COL11A1: variants seen among roughly 807,000 people sequenced by gnomAD.
The protein encoded by COL11A1 is collagen alpha-1(XI) chain.
COL11A1 carries 74 observed loss-of-function variants against 265.2 expected under a neutral mutation model. That is an observed-to-expected ratio of 0.28 (90% confidence interval 0.23 to 0.34). COL11A1 has a LOEUF of 0.34. COL11A1 is among the 10% of genes least tolerant of loss of function. The probability of loss-of-function intolerance (pLI) is 1.00; values close to 1 mark genes in which losing one functional copy is unlikely to be tolerated. For synonymous variants in COL11A1, 816 were observed against 727.6 expected (o/e 1.12, Z -1.96); for missense variants, 2,165 against 2,263.6 (o/e 0.96, Z 0.88).
intron 44 of COL11A1, among the ~76,000 whole-genome samples, chr1:102,935,343 T>C (rs558865240): frequency 6.6e-6 from 1 of 152,366 alleles, no homozygotes; most frequent in Non-Finnish European, 1.5e-5. Flanking sequence ...TTGAAAACAC[T>C]CTCATTTGTA....
At chr1:103,052,996 AT>A in intron 4 of COL11A1, among the ~76,000 whole-genome samples, 1 of 152,364 alleles carries the variant, frequency 6.6e-6, no homozygotes, top group South Asian at 2.1e-4. Context: ...CTGCAGGCTA[AT>A]AATAGACCTT....
rs746135436 is a variant in COL11A1 at position 102,970,249 on chromosome 1, C to A, written c.2832G>T (p.Leu944=). The A allele has an allele frequency of 2.5e-6, 4 of 1,612,004 alleles. No individual in the cohort carries two copies. The South Asian group carries it at 4.4e-5, about 18-fold the overall frequency. Residue 944 remains leucine (L), a synonymous_variant, in exon 37 of 67, where the codon CTG becomes CTT. Transcript: ENST00000370096. ...GPPGPPGKDG[L]PGHPGQRGET... ...CCCCACGTTGCCCAGGGTGTCCTGG[C>A]AGCCCATCCTTCCCAGGTGGTCCCT...
At chr1:102,922,624 C>A (rs113176401) in intron 47 of COL11A1, among the ~76,000 whole-genome samples, 3,133 of 152,274 alleles carry the variant, frequency 0.021, 107 homozygotes, top group African/African-American at 0.071. Flanking sequence ...TGGTCTCGAT[C>A]TCCTGACATC....
At chr1:102,962,359 A>C (rs1476613539) in intron 39 of COL11A1, 94 bp from the exon 40 acceptor site, 17 of 978,358 alleles carry the variant, frequency 1.7e-5, no homozygotes, top group Non-Finnish European at 2.8e-5. Context: ...CTGTAAGTAA[A>C]ATGTGAATAT....
Position 103,017,952 on chromosome 1 carries a change from T to C in COL11A1, c.1351-70A>G, listed in dbSNP as rs533751031. ...TAATATTTAGATGAATTCACTCTAG[T>C]CCTATCGAAGAGTTCGTTTATATTT... On this transcript the variant is annotated intron_variant, in intron 10 of 66. Coordinates refer to ENST00000370096, the MANE Select transcript of COL11A1 (RefSeq NM_001854.4). The C allele has an allele frequency of 6.5e-6, 8 of 1,238,910 alleles. 1 individual carries two copies. In the South Asian group the frequency reaches 9.6e-5, roughly 15 times the overall value. 76.7% of individuals were successfully genotyped at this position (1,238,910 alleles called of 1,614,324 possible).
intron 53 of COL11A1, 62 bp downstream of exon 53, chr1:102,913,575 A>G (rs1171116527): frequency 5.6e-6 from 8 of 1,417,658 alleles, no homozygotes; most frequent in South Asian, 1.1e-5. Flanking sequence ...ACTTCTAATT[A>G]TCTCATTAAA....
At chr1:102,974,109 T>G (rs1469443635) in intron 36 of COL11A1, among the ~76,000 whole-genome samples, 1 of 152,136 alleles carries the variant, frequency 6.6e-6, no homozygotes, top group Non-Finnish European at 1.5e-5. Flanking sequence ...AGGGACTACA[T>G]TTGAGAACCA....
At chr1:103,005,449 A>G (rs1207826261) in intron 18 of COL11A1, among the ~76,000 whole-genome samples, 1 of 152,172 alleles carries the variant, frequency 6.6e-6, no homozygotes, top group Non-Finnish European at 1.5e-5. Context: ...TTAATGACAA[A>G]CCACCTACAG....
intron 42 of COL11A1, among the ~76,000 whole-genome samples, chr1:102,942,763 G>A (rs1007129553): frequency 6.6e-6 from 1 of 151,594 alleles, no homozygotes; most frequent in African/African-American, 2.4e-5. Context: ...CTTTTTTATG[G>A]CACTCTGATT....
At chr1:102,974,137 G>A (rs1233210552) in intron 36 of COL11A1, among the ~76,000 whole-genome samples, 3 of 151,940 alleles carry the variant, frequency 2.0e-5, no homozygotes, top group East Asian at 3.9e-4. Context: ...AGACAGGTGG[G>A]TAAGCTGACT....
intron 35 of COL11A1, among the ~76,000 whole-genome samples, chr1:102,978,394 G>C (rs1239547788): frequency 2.0e-5 from 3 of 152,102 alleles, no homozygotes; most frequent in South Asian, 4.1e-4. Flanking sequence ...AAGCTGATTG[G>C]AGAAGAGGGC....
intron 38 of COL11A1, among the ~76,000 whole-genome samples, chr1:102,963,909 G>C (rs961782741): frequency 6.6e-6 from 1 of 151,858 alleles, no homozygotes; most frequent in Non-Finnish European, 1.5e-5. Context: ...AGAAAAGGGT[G>C]CATATTCAGT....
intron 4 of COL11A1, 149 bp from the exon 5 acceptor site, chr1:103,031,393 T>A: frequency 1.0e-6 from 1 of 1,003,066 alleles, no homozygotes. Context: ...AAGAGTCTTA[T>A]AGGATTGAAA....
chr1:102,944,769 A>G (rs1659081795), intron 42 of COL11A1, among the ~76,000 whole-genome samples: 1 of 152,126 alleles, frequency 6.6e-6, no homozygotes, highest in South Asian at 2.1e-4. Flanking sequence ...TGACTTATCT[A>G]ATTAGTATAT....
chr1:102,962,589 G>T, intron 39 of COL11A1, 64 bp downstream of exon 39: 1 of 1,331,336 alleles, frequency 7.5e-7, no homozygotes. Context: ...TAGACAAGGG[G>T]TGAGTATAGT....
At chr1:102,890,676 A>G (rs953690524) in intron 57 of COL11A1, among the ~76,000 whole-genome samples, 172 bp from the exon 58 acceptor site, 2 of 152,096 alleles carry the variant, frequency 1.3e-5, no homozygotes, top group Non-Finnish European at 2.9e-5. Flanking sequence ...TATTTAAAAC[A>G]CTATGGTTTA....
chr1:103,012,332 G>T, intron 14 of COL11A1, 81 bp downstream of exon 14: 2 of 1,012,602 alleles, frequency 2.0e-6, no homozygotes, highest in Non-Finnish European at 3.1e-6. Flanking sequence ...CCATAGATAT[G>T]CACAATCCCT....
At chr1:103,017,238 A>G (rs1190162671) in intron 11 of COL11A1, among the ~76,000 whole-genome samples, 2 of 151,418 alleles carry the variant, frequency 1.3e-5, no homozygotes, top group African/African-American at 4.9e-5. Flanking sequence ...TTAAATTTAA[A>G]TTAAAAAGTT....
chr1:103,087,918 A>G (rs1398510830), intron 1 of COL11A1, among the ~76,000 whole-genome samples: 1 of 152,234 alleles, frequency 6.6e-6, no homozygotes, highest in Non-Finnish European at 1.5e-5. Flanking sequence ...GATAATGTGA[A>G]AATATATGGA....
Sources: gnomAD v4.1 joint callset for allele counts (sites outside exome capture counted in the v4.1 genomes callset) on GRCh38, gnomAD v4.1.1 for gene constraint, MANE v1.5 for transcripts, NCBI Gene and HGNC (gene_info 2026-07-23, HGNC 2026-07-21) for gene names.